The following COL16A1 variants were observed in gnomAD, a reference collection of about 807,000 sequenced individuals.
COL16A1 encodes the protein collagen type XVI alpha 1 chain, also known as collagen alpha-1(XVI) chain.
COL16A1 carries 189 observed loss-of-function variants against 266.3 expected under a neutral mutation model. The ratio of observed to expected loss-of-function variants is 0.71; its 90% CI spans 0.63 to 0.80. The LOEUF (loss-of-function observed/expected upper bound fraction) is 0.80, where lower values mean the gene tolerates loss of function less well. COL16A1 is among the 30% of genes least tolerant of loss of function. COL16A1 has a pLI of 0.00. For synonymous variants in COL16A1, 740 were observed against 782.3 expected (o/e 0.95, Z 0.90); for missense variants, 1,928 against 2,122.4 (o/e 0.91, Z 1.80).
At chr1:31,667,754 G>A (rs547685546) in intron 51 of COL16A1, 126 bp from the exon 52 acceptor site, 91 of 942,696 alleles carry the variant, frequency 9.7e-5, no homozygotes, top group Non-Finnish European at 1.3e-4. Flanking sequence ...TGGGAGGACC[G>A]CTGGGTGCTC....
chr1:31,667,747 G>A (rs2148692123), intron 51 of COL16A1, 119 bp from the exon 52 acceptor site: 12 of 1,006,916 alleles, frequency 1.2e-5, no homozygotes. Context: ...ATGGCACTGG[G>A]AGGACCGCTG....
At chr1:31,671,919 C>T (rs1023230385) in intron 47 of COL16A1, among the ~76,000 whole-genome samples, 1 of 152,232 alleles carries the variant, frequency 6.6e-6, no homozygotes, top group Non-Finnish European at 1.5e-5. Context: ...TAAATAAAAA[C>T]CCCTGCCTCA....
In COL16A1 at chr1:31,692,827, G is replaced by A. The variant is rs1230270267; in HGVS notation, c.1072-19C>T. 6.2e-7 allele frequency: 1 copy of A among 1,612,852 alleles called. No individual in the cohort carries two copies. The highest frequency in any genetic ancestry group is 1.3e-5 in the African/African-American group (1 of 74,890). ...CATTGCCCTGGGAGTAGGGAACAAGGGATCAGGGGTGGGAACTCCTGGGGA... is the reference window on the plus strand; with the variant it reads ...CATTGCCCTGGGAGTAGGGAACAAGAGATCAGGGGTGGGAACTCCTGGGGA... On this transcript the variant is annotated intron_variant, in intron 13 of 70. Transcript: ENST00000373672.
intron 2 of COL16A1, among the ~76,000 whole-genome samples, chr1:31,701,193 C>T (rs1302571025): frequency 6.6e-6 from 1 of 152,156 alleles, no homozygotes; most frequent in Non-Finnish European, 1.5e-5. Context: ...GTCAGAAAGA[C>T]CATCACTGTC....
At chr1:31,682,061 T>C (rs149239870) in intron 37 of COL16A1, among the ~76,000 whole-genome samples, 75 of 152,318 alleles carry the variant, frequency 4.9e-4, no homozygotes, top group African/African-American at 1.6e-3. Flanking sequence ...AAATTACGCA[T>C]TTGCCCACCG....
chr1:31,658,996 A>G (rs16834652), intron 62 of COL16A1, 32 bp from the exon 63 acceptor site: 115,356 of 1,548,994 alleles, frequency 0.074, 7,770 homozygotes, highest in African/African-American at 0.36. Flanking sequence ...GGATAGAAAC[A>G]GGTTCTAATA....
In COL16A1 at chr1:31,698,456, G is replaced by A. The variant is rs762683076; in HGVS notation, c.390+27C>T. On this transcript the variant is annotated intron_variant, in intron 5 of 70. Coordinates refer to ENST00000373672, the MANE Select transcript of COL16A1 (RefSeq NM_001856.4). The surrounding 1 kb of genome is among the most constrained non-coding windows in gnomAD (Gnocchi z 4.1). ...ACTGGTGCTACCCAATGCCCTAAGA[G>A]GCAATCAGGGCACAGGGGAGGTTCA... The A allele has an allele frequency of 6.2e-7, 1 of 1,613,536 alleles. No individual in the cohort carries two copies. The highest frequency in any genetic ancestry group is 8.5e-7 in the Non-Finnish European group (1 of 1,179,718).
intron 26 of COL16A1, among the ~76,000 whole-genome samples, chr1:31,687,575 G>T (rs56234185): frequency 0.01 from 1,578 of 151,760 alleles, 16 homozygotes; most frequent in Non-Finnish European, 0.016. Context: ...AGAAGTGGAG[G>T]GGGTGAGAGA....
intron 62 of COL16A1, chr1:31,659,837 T>C (rs1641487904): frequency 6.6e-6 from 1 of 152,106 alleles, no homozygotes; most frequent in South Asian, 2.1e-4. Context: ...CGCTTCTGAG[T>C]GCACCTCCCC....
In COL16A1 at chr1:31,656,960, T is replaced by G. The variant is rs1641219584; in HGVS notation, c.4056+73A>C. 4 of 1,597,182 alleles carry G rather than the reference T, an allele frequency of 2.5e-6. No homozygotes were observed. Among genetic ancestry groups the G allele is most frequent in the Admixed American group, 1.7e-5 (1 of 59,628 alleles). ...TAGAAGGAATGTTTACTGAAAAAAA[T>G]GAAGAGGGGTCAGGGCAAGGCGAGG... On this transcript the variant is annotated intron_variant, in intron 65 of 70. Coordinates refer to ENST00000373672, the MANE Select transcript of COL16A1 (RefSeq NM_001856.4). The surrounding 1 kb of genome is among the most constrained non-coding windows in gnomAD (Gnocchi z 4.2).
rs1473835797 is a variant in COL16A1, at chr1:31,656,367, T to C, written c.4101+33A>G. 1 of 1,612,300 alleles carries C rather than the reference T, an allele frequency of 6.2e-7. No homozygotes were observed. The highest frequency in any genetic ancestry group is 8.5e-7 in the Non-Finnish European group (1 of 1,179,348). ...AGCTGGGCTTCATCCACTCGTGAGCTTCTCCTCTCAAGCCCAGCCAGTGCC... is the reference window on the plus strand; with the variant it reads ...AGCTGGGCTTCATCCACTCGTGAGCCTCTCCTCTCAAGCCCAGCCAGTGCC... On this transcript the variant is annotated intron_variant, in intron 66 of 70. Transcript: ENST00000373672. This position sits in a 1 kb window ranked among gnomAD's most constrained non-coding sequence, Gnocchi z 4.2.
chr1:31,661,285 C>T (rs1421491985), intron 60 of COL16A1, 129 bp downstream of exon 60: 2 of 1,530,340 alleles, frequency 1.3e-6, no homozygotes, highest in Non-Finnish European at 1.8e-6. Flanking sequence ...GTCTGCCAGG[C>T]ACCAGTGGCC....
Position 31,652,905 on chromosome 1 carries a change from G to C in COL16A1, c.4613-52C>G, listed in dbSNP as rs748350062. On this transcript the variant is annotated intron_variant, in intron 70 of 70. Transcript: ENST00000373672. The surrounding 1 kb of genome is among the most constrained non-coding windows in gnomAD (Gnocchi z 4.8). ...AAATCAGAAGACCCAGATCATAAGG[G>C]AAAAGAAGCCATAATGGCATCAAAT... is the stretch of plus-strand genomic sequence containing the variant. 1 of 1,408,644 alleles carries C rather than the reference G, an allele frequency of 7.1e-7. No individual in the cohort carries two copies. Among genetic ancestry groups the C allele is most frequent in the Non-Finnish European group, 9.3e-7 (1 of 1,075,478 alleles). 87.3% of individuals were successfully genotyped at this position (1,408,644 alleles called of 1,614,324 possible). A position where few individuals can be genotyped will look rare whatever the true frequency, so the allele number is the denominator to read the frequency against.
At chr1:31,661,027 G>A (rs1161593204) in intron 61 of COL16A1, 39 bp downstream of exon 61, 2 of 1,546,410 alleles carry the variant, frequency 1.3e-6, no homozygotes, top group Middle Eastern at 1.7e-4. Context: ...AGAGTCTGAA[G>A]GCAAACTGAA....
chr1:31,680,184 T>G, intron 39 of COL16A1, 83 bp from the exon 40 acceptor site: 1 of 1,543,808 alleles, frequency 6.5e-7, no homozygotes, highest in Non-Finnish European at 8.8e-7. Flanking sequence ...ACGTGGGCTC[T>G]AGAGATGGAG....
At chr1:31,665,694 C>CGGGG in intron 54 of COL16A1, 76 bp from the exon 55 acceptor site, 1 of 1,590,934 alleles carries the variant, frequency 6.3e-7, no homozygotes, top group South Asian at 1.2e-5. Context: ...GAAAGAGTGA[C>CGGGG]GGGGGGGGCA....
chr1:31,672,736 G>A lies in COL16A1; in HGVS notation c.2964C>T (p.Asp988=), dbSNP rs1642838642. ...DQGIPGVPGL[D]NCAQCFLSLE... ...CCCAGTCCCTTACCTGGGCGCAGTTGTCGAGGCCTGGCACACCAGGGATGC... is the reference window on the plus strand; with the variant it reads ...CCCAGTCCCTTACCTGGGCGCAGTTATCGAGGCCTGGCACACCAGGGATGC... The change falls in exon 45 of 71, where the codon GAC becomes GAT. Residue 988 remains aspartate (D), a synonymous_variant. Coordinates refer to ENST00000373672, the MANE Select transcript of COL16A1 (RefSeq NM_001856.4). The A allele has an allele frequency of 2.5e-6, 4 of 1,614,114 alleles. No homozygotes were observed. The East Asian group carries it at 8.9e-5, about 36-fold the overall frequency.
chr1:31,686,638 G>T (rs567294677), intron 26 of COL16A1, among the ~76,000 whole-genome samples: 2 of 152,376 alleles, frequency 1.3e-5, no homozygotes, highest in East Asian at 3.9e-4. Context: ...AGCAATGCCT[G>T]TTGAGCTTGC....
Position 31,657,440 on chromosome 1 carries a change from G to A in COL16A1, c.4021-372C>T, listed in dbSNP as rs1641266995. ...TGAGCCGGCCCCCTCCCTGAGACCA[G>A]CAAGGCAGCCTCTCTTCTGGTGGCT... is the stretch of plus-strand genomic sequence containing the variant. On this transcript the variant is annotated intron_variant, in intron 64 of 70. Coordinates refer to ENST00000373672, the MANE Select transcript of COL16A1 (RefSeq NM_001856.4). The surrounding 1 kb of genome is among the most constrained non-coding windows in gnomAD (Gnocchi z 6.4). 4.3e-6 allele frequency: 1 copy of A among 231,430 alleles called. No homozygotes were observed. The highest frequency in any genetic ancestry group is 8.5e-6 in the Non-Finnish European group (1 of 117,452). The allele number at this position is 231,430 out of a possible 1,614,324, so 14.3% of individuals were successfully genotyped here.
Sources: allele counts gnomAD v4.1 joint callset (sites outside exome capture counted in the v4.1 genomes callset), GRCh38; gene constraint gnomAD v4.1.1; non-coding constraint Gnocchi (gnomAD v3.1); transcripts MANE v1.5; gene names NCBI Gene and HGNC (gene_info 2026-07-23, HGNC 2026-07-21).